ATE1: variants seen among roughly 807,000 people sequenced by gnomAD.
ATE1 encodes the protein arginyl-tRNA--protein transferase 1.
ATE1 carries 36 observed loss-of-function variants against 70.5 expected under a neutral mutation model. That is an observed-to-expected ratio of 0.51 (90% CI 0.39 to 0.67). ATE1 has a LOEUF of 0.67. ATE1 is among the 30% of genes least tolerant of loss of function. The pLI, the probability that ATE1 is intolerant of heterozygous loss-of-function variation, is 0.00. For synonymous variants in ATE1, 232 were observed against 219.3 expected (o/e 1.06, Z -0.51); for missense variants, 593 against 629.5 (o/e 0.94, Z 0.62).
chr10:121,773,831 C>A (rs910142533), intron 11 of ATE1, among the ~76,000 whole-genome samples: 8 of 152,100 alleles, frequency 5.3e-5, no homozygotes, highest in African/African-American at 1.7e-4. Flanking sequence ...TAAAGCACAG[C>A]TTTTTCCACT....
chr10:121,768,465 G>C (rs1409798579), intron 11 of ATE1, among the ~76,000 whole-genome samples: 2 of 152,094 alleles, frequency 1.3e-5, no homozygotes, highest in East Asian at 1.9e-4. Context: ...CAGAGAGGAG[G>C]GGCTGGGCAG....
chr10:121,773,137 G>C (rs189873986), intron 11 of ATE1, among the ~76,000 whole-genome samples: 32 of 152,194 alleles, frequency 2.1e-4, no homozygotes, highest in African/African-American at 7.2e-4. Flanking sequence ...CCCTGCTTTC[G>C]TTAGTTTACA....
At chr10:121,810,265 T>TTTTG (rs978467837) in intron 10 of ATE1, among the ~76,000 whole-genome samples, 15 of 152,274 alleles carry the variant, frequency 9.9e-5, no homozygotes, top group African/African-American at 3.1e-4. Context: ...TAAATATGTT[T>TTTTG]TTTGTTTGTT....
At chr10:121,820,801 C>T (rs1262398413) in intron 10 of ATE1, among the ~76,000 whole-genome samples, 1 of 152,176 alleles carries the variant, frequency 6.6e-6, no homozygotes, top group Non-Finnish European at 1.5e-5. Context: ...ATGGCAGTGT[C>T]CTTAAGAAGC....
chr10:121,853,528 A>G (rs184235920), intron 8 of ATE1, among the ~76,000 whole-genome samples: 8 of 152,306 alleles, frequency 5.3e-5, no homozygotes, highest in African/African-American at 1.7e-4. Flanking sequence ...ATGCTCAACC[A>G]GTAAGTATAA....
In ATE1 at chr10:121,905,055, T is replaced by A. The variant is rs536826909; in HGVS notation, c.584-2435A>T. On this transcript the variant is annotated intron_variant, in intron 5 of 11. Coordinates refer to ENST00000224652, the MANE Select transcript of ATE1 (RefSeq NM_001001976.3). Reference sequence around the variant, plus strand: ...TCAAATTTGCTCTGAGCACACACACTCTGTCTGACACAAGCTGCCTGAGGT... The same window carrying A: ...TCAAATTTGCTCTGAGCACACACACACTGTCTGACACAAGCTGCCTGAGGT... Among the ~76,000 whole-genome samples, 144 of 152,300 alleles carry A rather than the reference T, an allele frequency of 9.5e-4. 1 individual carries two copies. The highest frequency in any genetic ancestry group is 3.7e-3 in the South Asian group (18 of 4,832).
intron 10 of ATE1, among the ~76,000 whole-genome samples, chr10:121,826,725 C>T (rs760454758): frequency 3.3e-5 from 5 of 152,168 alleles, no homozygotes; most frequent in Non-Finnish European, 7.4e-5. Context: ...CTAGGTAGTG[C>T]GCACAGCACC....
At chr10:121,833,425 C>G (rs1948321569) in intron 10 of ATE1, among the ~76,000 whole-genome samples, 2 of 152,086 alleles carry the variant, frequency 1.3e-5, no homozygotes, top group Admixed American at 1.3e-4. Context: ...GTAGCAGGCA[C>G]ATTGTTTGCC....
chr10:121,755,149 G>T (rs1442881419), intron 11 of ATE1, among the ~76,000 whole-genome samples: 1 of 152,222 alleles, frequency 6.6e-6, no homozygotes, highest in Non-Finnish European at 1.5e-5. Context: ...ACATAGGCTT[G>T]TGTATGTGTG....
chr10:121,819,867 C>T (rs185860840), intron 10 of ATE1, among the ~76,000 whole-genome samples: 121 of 151,118 alleles, frequency 8.0e-4, no homozygotes, highest in African/African-American at 2.9e-3. Context: ...TAAAACAGGC[C>T]GGGCGTGGTG....
chr10:121,753,907 G>T (rs1161800842), intron 11 of ATE1, among the ~76,000 whole-genome samples: 2 of 152,186 alleles, frequency 1.3e-5, no homozygotes, highest in African/African-American at 4.8e-5. Flanking sequence ...AGGCTGGCAG[G>T]ACTGGGCCAA....
intron 7 of ATE1, among the ~76,000 whole-genome samples, chr10:121,884,531 C>T (rs983901796): frequency 4.0e-5 from 6 of 151,714 alleles, no homozygotes; most frequent in Non-Finnish European, 7.4e-5. Context: ...TCAAGGCTGC[C>T]GTGAGCTATG....
chr10:121,824,874 A>T (rs1403660582), intron 10 of ATE1, among the ~76,000 whole-genome samples: 2 of 152,154 alleles, frequency 1.3e-5, no homozygotes, highest in Non-Finnish European at 2.9e-5. Flanking sequence ...TGAAATGAGA[A>T]GGGGTTAAAA....
At chr10:121,771,070 C>G (rs567431630) in intron 11 of ATE1, among the ~76,000 whole-genome samples, 10 of 152,030 alleles carry the variant, frequency 6.6e-5, no homozygotes, top group Non-Finnish European at 1.3e-4. Context: ...TCTCTCTCTA[C>G]TTTATTTATT....
chr10:121,922,116 G>A (rs1478455801), intron 3 of ATE1, among the ~76,000 whole-genome samples: 4 of 151,740 alleles, frequency 2.6e-5, no homozygotes, highest in Admixed American at 2.6e-4. Flanking sequence ...AAATTAAGAG[G>A]GTATTTTTTT....
At chr10:121,925,087 G>T (rs561697858) in intron 1 of ATE1, among the ~76,000 whole-genome samples, 1 of 152,278 alleles carries the variant, frequency 6.6e-6, no homozygotes, top group African/African-American at 2.4e-5. Flanking sequence ...TCAAAAATTG[G>T]AGAAAAGTAT....
intron 8 of ATE1, among the ~76,000 whole-genome samples, chr10:121,859,489 C>G (rs1255743816): frequency 6.6e-6 from 1 of 152,028 alleles, no homozygotes; most frequent in African/African-American, 2.4e-5. Flanking sequence ...ATCTCCTGAC[C>G]TCGTGATCGG....
intron 7 of ATE1, among the ~76,000 whole-genome samples, chr10:121,888,181 T>G (rs1950465159): frequency 6.6e-6 from 1 of 152,090 alleles, no homozygotes; most frequent in Non-Finnish European, 1.5e-5. Context: ...GATCCCAAGG[T>G]CAGGAGATCG....
chr10:121,919,538 G>A (rs944170673), intron 3 of ATE1, among the ~76,000 whole-genome samples: 1 of 152,008 alleles, frequency 6.6e-6, no homozygotes, highest in Non-Finnish European at 1.5e-5. Context: ...TCCAGCCTGG[G>A]CGACAGCAAG....
Sources: allele counts gnomAD v4.1 joint callset (sites outside exome capture counted in the v4.1 genomes callset), GRCh38; gene constraint gnomAD v4.1.1; transcripts MANE v1.5; gene names NCBI Gene and HGNC (gene_info 2026-07-23, HGNC 2026-07-21).